Variants in CTNND2 observed in about 807,000 individuals in gnomAD.
CTNND2 encodes catenin delta 2.
Under a neutral mutation model 144.4 loss-of-function variants are expected in CTNND2, and 22 were observed. The ratio of observed to expected loss-of-function variants is 0.15; its 90% CI spans 0.11 to 0.22. The LOEUF (loss-of-function observed/expected upper bound fraction) is 0.22, where lower values mean the gene tolerates loss of function less well. Among genes scored for constraint, CTNND2 ranks in the 10% least tolerant of loss-of-function variants. The pLI, the probability that CTNND2 is intolerant of heterozygous loss-of-function variation, is 1.00. For missense variants in CTNND2, 1,353 were observed against 1,618.8 expected (o/e 0.84, Z 2.82); for synonymous variants, 751 against 695.6 (o/e 1.08, Z -1.25).
chr5:11,399,295 A>G (rs1409652991), intron 5 of CTNND2, among the ~76,000 whole-genome samples: 1 of 152,236 alleles, frequency 6.6e-6, no homozygotes, highest in Non-Finnish European at 1.5e-5. Context: ...AGATACAACG[A>G]CAGTGCACAG....
chr5:11,846,090 T>C (rs561644539), intron 1 of CTNND2, among the ~76,000 whole-genome samples: 3 of 152,268 alleles, frequency 2.0e-5, no homozygotes, highest in South Asian at 4.1e-4. Context: ...ATTGGTGAAC[T>C]TGCTTAATGA....
chr5:11,834,548 T>A (rs1266639372), intron 1 of CTNND2, among the ~76,000 whole-genome samples: 1 of 152,216 alleles, frequency 6.6e-6, no homozygotes, highest in Non-Finnish European at 1.5e-5. Context: ...ATAATATGCA[T>A]GTTTTATTTG....
At chr5:11,891,429 G>T (rs1736952724) in intron 1 of CTNND2, among the ~76,000 whole-genome samples, 1 of 152,126 alleles carries the variant, frequency 6.6e-6, no homozygotes, top group South Asian at 2.1e-4. Context: ...TCATCCTGTG[G>T]TCTCTGTTAT....
chr5:11,091,865 C>T (rs1318318678), intron 15 of CTNND2, among the ~76,000 whole-genome samples: 1 of 152,180 alleles, frequency 6.6e-6, no homozygotes, highest in African/African-American at 2.4e-5. Flanking sequence ...TGGGTATTTG[C>T]CTCAGACACA....
At chr5:11,255,326 C>T (rs984111856) in intron 9 of CTNND2, among the ~76,000 whole-genome samples, 6 of 152,238 alleles carry the variant, frequency 3.9e-5, no homozygotes, top group South Asian at 2.1e-4. Flanking sequence ...GGGCCTCCAG[C>T]TGTCTCTACA....
chr5:11,401,832 C>T (rs1231900599), intron 5 of CTNND2, among the ~76,000 whole-genome samples: 1 of 152,138 alleles, frequency 6.6e-6, no homozygotes, highest in African/African-American at 2.4e-5. Flanking sequence ...ATGATTCTGT[C>T]ACAACAAATT....
chr5:11,410,406 T>C (rs1761419065), intron 5 of CTNND2, among the ~76,000 whole-genome samples: 2 of 152,222 alleles, frequency 1.3e-5, no homozygotes, highest in African/African-American at 2.4e-5. Context: ...TTTGCTATCT[T>C]ATCCTTATGT....
chr5:11,874,443 T>G (rs1464610062), intron 1 of CTNND2, among the ~76,000 whole-genome samples: 1 of 152,068 alleles, frequency 6.6e-6, no homozygotes, highest in Non-Finnish European at 1.5e-5. Flanking sequence ...AATAATACAA[T>G]AGGACAAGTA....
chr5:11,787,316 A>G (rs1790887967), intron 1 of CTNND2, among the ~76,000 whole-genome samples: 1 of 152,224 alleles, frequency 6.6e-6, no homozygotes, highest in Admixed American at 6.5e-5. Context: ...TTATGTTAAC[A>G]ACTCGGCAAG....
At chr5:11,641,732 G>A (rs1164556160) in intron 2 of CTNND2, among the ~76,000 whole-genome samples, 1 of 34,450 alleles carries the variant, frequency 2.9e-5, no homozygotes, top group Non-Finnish European at 9.7e-5. Flanking sequence ...ATACGTGTGT[G>A]TATATACATA....
In CTNND2 at chr5:11,098,586, C is replaced by T. The variant is rs1256263224; in HGVS notation, c.2626G>A (p.Gly876Arg). Residue 876 changes from glycine to arginine, a missense_variant, in exon 15 of 22, where the codon GGG becomes AGG. Gly to Arg is a moderately radical substitution (Grantham distance 125). Around this residue, in one of 4 missense-constraint regions of CTNND2, gnomAD observed 459 missense variants for 674.3 expected, o/e 0.68. Transcript: ENST00000304623. ...TGAACTGGCCATACCTTCCAGCTCC[C>T]TGCAGCCAAGTTCTGCAGGGCGCCT... is the stretch of plus-strand genomic sequence containing the variant. ...AAGALQNLAAGSWKWSVYIRA... is the reference protein window; with the variant it reads ...AAGALQNLAARSWKWSVYIRA... The T allele has an allele frequency of 6.2e-7, 1 of 1,613,856 alleles. No homozygotes were observed. Among genetic ancestry groups the T allele is most frequent in the Non-Finnish European group, 8.5e-7 (1 of 1,179,928 alleles).
At chr5:11,531,712 A>G (rs567512169) in intron 3 of CTNND2, among the ~76,000 whole-genome samples, 3 of 152,212 alleles carry the variant, frequency 2.0e-5, no homozygotes, top group East Asian at 1.9e-4. Context: ...CTAAAATGAG[A>G]CAGCTCAGGA....
At chr5:11,492,341 G>A (rs559204377) in intron 3 of CTNND2, among the ~76,000 whole-genome samples, 2 of 152,094 alleles carry the variant, frequency 1.3e-5, no homozygotes, top group Non-Finnish European at 2.9e-5. Flanking sequence ...CTGAGGTCTT[G>A]GTACAAGGAA....
At chr5:11,297,128 C>A (rs1451434189) in intron 9 of CTNND2, among the ~76,000 whole-genome samples, 1 of 152,164 alleles carries the variant, frequency 6.6e-6, no homozygotes, top group Non-Finnish European at 1.5e-5. Context: ...TATGTGCCAA[C>A]ATCACAGATG....
At chr5:11,306,201 A>G (rs1257872279) in intron 9 of CTNND2, among the ~76,000 whole-genome samples, 1 of 152,258 alleles carries the variant, frequency 6.6e-6, no homozygotes, top group South Asian at 2.1e-4. Context: ...GGCTCTGACA[A>G]TAGAAGAGGC....
At chr5:11,029,270 C>G (rs532886596) in intron 16 of CTNND2, among the ~76,000 whole-genome samples, 96 of 152,088 alleles carry the variant, frequency 6.3e-4, no homozygotes, top group African/African-American at 2.1e-3. Context: ...GAGAGTTTAT[C>G]CATGTATATT....
In CTNND2 at chr5:11,155,497, C is replaced by A. The variant is rs1486166796; in HGVS notation, c.2159+4079G>T. Among the ~76,000 whole-genome samples the A allele has an allele frequency of 2.0e-5, 3 of 152,236 alleles. No homozygotes were observed. In the South Asian group the frequency reaches 6.2e-4, roughly 32 times the overall value. ...TCTGGCAGAATTGGAGCAAAAGGAA[C>A]AACTAGCAAAGGGGAAGAAATGAAG... On this transcript the variant is annotated intron_variant, in intron 12 of 21. Coordinates refer to ENST00000304623, the MANE Select transcript of CTNND2 (RefSeq NM_001332.4).
At chr5:11,804,772 A>T (rs1291837599) in intron 1 of CTNND2, among the ~76,000 whole-genome samples, 1 of 152,238 alleles carries the variant, frequency 6.6e-6, no homozygotes, top group Non-Finnish European at 1.5e-5. Flanking sequence ...ATTCTGCATG[A>T]CACTACTCAT....
intron 7 of CTNND2, among the ~76,000 whole-genome samples, chr5:11,366,989 A>G (rs2149775491): frequency 6.6e-6 from 1 of 152,342 alleles, no homozygotes; most frequent in Non-Finnish European, 1.5e-5. Flanking sequence ...ACCTATGTGG[A>G]TATCAGTCTT....
Sources: gnomAD v4.1 joint callset for allele counts (sites outside exome capture counted in the v4.1 genomes callset) on GRCh38, gnomAD v4.1.1 for gene constraint, gnomAD v4.1.1 regional missense constraint, MANE v1.5 for transcripts, NCBI Gene and HGNC (gene_info 2026-07-23, HGNC 2026-07-21) for gene names.